The following BICRA variants were observed in gnomAD, a reference collection of about 807,000 sequenced individuals.
BICRA encodes BRD4-interacting chromatin-remodeling complex-associated protein.
BICRA carries 31 observed loss-of-function variants against 96.9 expected under a neutral mutation model. The ratio of observed to expected loss-of-function variants is 0.32; its 90% CI spans 0.24 to 0.43. The LOEUF is 0.43. Ranked by LOEUF, BICRA falls within the 20% of genes least tolerant of loss-of-function variation. BICRA has a pLI of 1.00. For synonymous variants in BICRA, 1,350 were observed against 1,071.8 expected, an observed-to-expected ratio of 1.26 and a Z score of -5.07; for missense variants, 2,283 against 2,190.3, an observed-to-expected ratio of 1.04 and a Z score of -0.84.
chr19:47,638,600 C>G (rs1490575278), intron 1 of BICRA, among the ~76,000 whole-genome samples: 1 of 123,378 alleles, frequency 8.1e-6, no homozygotes, highest in East Asian at 2.9e-4. Context: ...CTCTGTTTCT[C>G]TCTCTCTCTC....
At chr19:47,632,587 C>T (rs569498989) in intron 1 of BICRA, among the ~76,000 whole-genome samples, 23 of 152,276 alleles carry the variant, frequency 1.5e-4, no homozygotes, top group South Asian at 1.2e-3. Context: ...GACTGGGAAC[C>T]GCACGTGTGG....
intron 1 of BICRA, among the ~76,000 whole-genome samples, chr19:47,616,660 A>G (rs922370673): frequency 6.6e-6 from 1 of 151,572 alleles, no homozygotes; most frequent in Non-Finnish European, 1.5e-5. Flanking sequence ...AAGGAAGACA[A>G]TGCCCAAATA....
intron 1 of BICRA, among the ~76,000 whole-genome samples, chr19:47,612,870 C>G (rs1039041600): frequency 2.0e-5 from 3 of 152,032 alleles, no homozygotes; most frequent in Admixed American, 2.0e-4. Context: ...TAAGGGACCC[C>G]TTATCCCCGC....
intron 1 of BICRA, among the ~76,000 whole-genome samples, chr19:47,636,656 C>A (rs1486258717): frequency 6.6e-6 from 1 of 152,124 alleles, no homozygotes; most frequent in Non-Finnish European, 1.5e-5. Context: ...TATAGGCGTG[C>A]ACCACCACAC....
chr19:47,669,103 C>CA (rs1285106662), intron 1 of BICRA, among the ~76,000 whole-genome samples: 10 of 150,744 alleles, frequency 6.6e-5, no homozygotes, highest in South Asian at 2.1e-4. Flanking sequence ...GACTCACACA[C>CA]ACAAAAAAAT....
chr19:47,641,009 C>G (rs1033578294), intron 1 of BICRA, among the ~76,000 whole-genome samples: 1 of 149,678 alleles, frequency 6.7e-6, no homozygotes, highest in Admixed American at 6.7e-5. Flanking sequence ...AAGCGATTCT[C>G]CTACCTCAGC....
chr19:47,627,793 A>G (rs1016868508), intron 1 of BICRA, among the ~76,000 whole-genome samples: 3 of 152,152 alleles, frequency 2.0e-5, no homozygotes, highest in Non-Finnish European at 4.4e-5. Context: ...TTTTTGAGAC[A>G]GAGTCTTGCT....
At chr19:47,676,576 C>CT (rs1972945102) in intron 5 of BICRA, among the ~76,000 whole-genome samples, 3 of 101,038 alleles carry the variant, frequency 3.0e-5, no homozygotes, top group African/African-American at 1.1e-4. Context: ...GGCCTCCCCC[C>CT]TCCCCGCCTC....
chr19:47,700,038 A>T (rs1973415888), intron 14 of BICRA: 1 of 153,008 alleles, frequency 6.5e-6, no homozygotes, highest in African/African-American at 2.4e-5. Flanking sequence ...AGGGGTGGCC[A>T]TAGTGAAGGA....
chr19:47,654,189 G>A (rs1568558979), intron 1 of BICRA, among the ~76,000 whole-genome samples: 2 of 152,126 alleles, frequency 1.3e-5, no homozygotes, highest in East Asian at 1.9e-4. Context: ...ACACCCTCAC[G>A]AACACTTGCC....
intron 5 of BICRA, among the ~76,000 whole-genome samples, chr19:47,676,608 A>T (rs1599844292): frequency 1.1e-5 from 1 of 89,814 alleles, no homozygotes; most frequent in Non-Finnish European, 2.1e-5. Context: ...TCCCCCCCTC[A>T]CCCTCCCCGC....
chr19:47,646,775 C>CTT (rs150237451), intron 1 of BICRA, among the ~76,000 whole-genome samples: 1 of 152,018 alleles, frequency 6.6e-6, no homozygotes, highest in African/African-American at 2.4e-5. Flanking sequence ...ACAGTTATTC[C>CTT]TTTTTTTTAA....
At chr19:47,664,591 G>A (rs148271781) in intron 1 of BICRA, among the ~76,000 whole-genome samples, 3 of 152,280 alleles carry the variant, frequency 2.0e-5, no homozygotes, top group Non-Finnish European at 2.9e-5. Flanking sequence ...GGGAGGGATC[G>A]GTGGGTATGG....
rs185958331 is a variant in BICRA, at chr19:47,684,861, T to C, written c.2283+2709T>C. Among the ~76,000 whole-genome samples the C allele has an allele frequency of 2.4e-4, 37 of 152,180 alleles. No homozygotes were observed. In the East Asian group the frequency reaches 5.4e-3, roughly 22 times the overall value. On this transcript the variant is annotated intron_variant, in intron 7 of 14. Coordinates refer to ENST00000594866, the MANE Select transcript of BICRA (RefSeq NM_001394372.1). ...TAGTGGAGCTCTCTGAGGCATGGAT[T>C]TTGCATCTAAAATGGGAATAAGCCC...
intron 5 of BICRA, among the ~76,000 whole-genome samples, chr19:47,678,565 G>A (rs924847872): frequency 1.3e-5 from 2 of 152,244 alleles, no homozygotes; most frequent in South Asian, 2.1e-4. Flanking sequence ...CACCACCAGC[G>A]GCTTTCCTGA....
chr19:47,702,141 C>A lies in BICRA; in HGVS notation c.4409C>A (p.Pro1470His), dbSNP rs546943764. The A allele has an allele frequency of 1.3e-6, 2 of 1,547,838 alleles. No homozygotes were observed. The highest frequency in any genetic ancestry group is 1.4e-5 in the African/African-American group (1 of 72,008). ...GDPDWEAPGL[P>H]PAKRRKSESP... The stretch of plus-strand genomic sequence containing the variant: ...CCCGACTGGGAGGCGCCCGGGCTGC[C>A]CCCTGCCAAGCGGCGCAAGTCCGAG... Residue 1470 changes from proline (P) to histidine (H), a missense_variant, in exon 15 of 15, where the codon CCC (proline) becomes CAC (histidine). Pro to His is a moderately conservative substitution (Grantham distance 77). Transcript: ENST00000594866.
At chr19:47,673,543 C>T (rs1192416015) in intron 2 of BICRA, 27 bp from the exon 3 acceptor site, 1 of 1,602,424 alleles carries the variant, frequency 6.2e-7, no homozygotes, top group African/African-American at 1.3e-5. Flanking sequence ...GTCTCCCTCG[C>T]CCTCTTCCTG....
At chr19:47,658,342 G>A (rs1459038597) in intron 1 of BICRA, among the ~76,000 whole-genome samples, 1 of 152,090 alleles carries the variant, frequency 6.6e-6, no homozygotes, top group African/African-American at 2.4e-5. Flanking sequence ...CCAGGAACTG[G>A]TGGCTTGTGT....
chr19:47,667,808 G>A (rs1347384111), intron 1 of BICRA, among the ~76,000 whole-genome samples: 1 of 152,166 alleles, frequency 6.6e-6, no homozygotes, highest in South Asian at 2.1e-4. Flanking sequence ...CCATCACCCA[G>A]CCTCGCGATA....
Sources: allele counts gnomAD v4.1 joint callset (sites outside exome capture counted in the v4.1 genomes callset), GRCh38; gene constraint gnomAD v4.1.1; transcripts MANE v1.5; gene names NCBI Gene and HGNC (gene_info 2026-07-23, HGNC 2026-07-21).